Variants in RBM39 observed in about 807,000 individuals in gnomAD.
The protein encoded by RBM39 is RNA-binding protein 39.
In RBM39, 12 loss-of-function variants were observed where a neutral mutation model predicts 79.6. The ratio of observed to expected loss-of-function variants is 0.15; its 90% CI spans 0.10 to 0.24. The LOEUF (loss-of-function observed/expected upper bound fraction) is 0.24, where lower values mean the gene tolerates loss of function less well. Ranked by LOEUF, RBM39 falls within the 10% of genes least tolerant of loss-of-function variation. The pLI is 1.00. For synonymous variants in RBM39, 185 were observed against 208.4 expected, an observed-to-expected ratio of 0.89 and a Z score of 0.97; for missense variants, 243 against 653.4, an observed-to-expected ratio of 0.37 and a Z score of 6.85.
chr20:35,725,667 T>C (rs1427483303), intron 6 of RBM39, among the ~76,000 whole-genome samples: 5 of 141,348 alleles, frequency 3.5e-5, no homozygotes, highest in South Asian at 4.5e-4. Flanking sequence ...CTTTTTTTTT[T>C]TTTTTTTTTT....
At chr20:35,712,470 G>T (rs1159527004) in intron 12 of RBM39, among the ~76,000 whole-genome samples, 1 of 141,066 alleles carries the variant, frequency 7.1e-6, no homozygotes, top group Non-Finnish European at 1.5e-5. Flanking sequence ...GGGGGCGGGG[G>T]GTTGGGGGGC....
intron 3 of RBM39, chr20:35,735,077 G>C (rs2039765889): frequency 1.9e-6 from 3 of 1,561,578 alleles, no homozygotes; most frequent in Non-Finnish European, 2.6e-6. Flanking sequence ...TTAATGCAAA[G>C]TATTCTGGAA....
At chr20:35,738,169 A>G (rs1242106578) in intron 3 of RBM39, among the ~76,000 whole-genome samples, 1 of 150,990 alleles carries the variant, frequency 6.6e-6, no homozygotes, top group Non-Finnish European at 1.5e-5. Context: ...GAAAAAAAAA[A>G]AAATCAAAGA....
At chr20:35,721,971 A>G (rs2037992240) in intron 8 of RBM39, 94 bp from the exon 9 acceptor site, 2 of 1,419,858 alleles carry the variant, frequency 1.4e-6, no homozygotes, top group South Asian at 2.5e-5. Context: ...TAAAGTTTAG[A>G]GTGATAAAAA....
chr20:35,740,200 T>A (rs1160034479), intron 2 of RBM39: 1 of 165,380 alleles, frequency 6.0e-6, no homozygotes, highest in African/African-American at 2.5e-5. Context: ...CCTCTTGTAT[T>A]TTTTTTTTTT....
rs894499347 is a variant in RBM39 at position 35,736,863 on chromosome 20, G to C, written c.101+2105C>G. ...AGACGGGGTTTCACCATGTTGGCCA[G>C]GATGGTCTCGATCTCCTGACCTTGT... On this transcript the variant is annotated intron_variant, in intron 3 of 16. Transcript: ENST00000253363. 5.3e-5 allele frequency among the ~76,000 whole-genome samples: 8 copies of C among 151,626 alleles called. No individual in the cohort carries two copies. In the South Asian group the frequency reaches 1.7e-3, roughly 32 times the overall value.
At chr20:35,733,882 C>T (rs1437830069) in intron 3 of RBM39, among the ~76,000 whole-genome samples, 4 of 152,138 alleles carry the variant, frequency 2.6e-5, no homozygotes, top group African/African-American at 4.8e-5. Context: ...AGTATACCAC[C>T]CATTCATAAT....
In RBM39 at chr20:35,734,969, G is replaced by C. The variant is rs774688145; in HGVS notation, c.102-2834C>G. The C allele has an allele frequency of 5.6e-6, 9 of 1,609,744 alleles. No individual in the cohort carries two copies. The African/African-American group carries it at 1.1e-4, about 19-fold the overall frequency. On this transcript the variant is annotated intron_variant, in intron 3 of 16. Coordinates refer to ENST00000253363, the MANE Select transcript of RBM39 (RefSeq NM_184234.3). Reference sequence around the variant, plus strand: ...ACATCACTGAAGTAAATGGTCCACTGGGCTGGGCCTTTGGACTTTTTGGTT... The same window carrying C: ...ACATCACTGAAGTAAATGGTCCACTCGGCTGGGCCTTTGGACTTTTTGGTT...
chr20:35,723,120 CCGAA>C (rs2038199212), intron 8 of RBM39, among the ~76,000 whole-genome samples: 1 of 151,862 alleles, frequency 6.6e-6, no homozygotes, highest in Admixed American at 6.6e-5. Flanking sequence ...ATTGGTATAA[CCGAA>C]CGTAGTTGTT....
At position 35,703,527 on chromosome 20, in the gene RBM39, G is replaced by A. The variant is rs1460394973; in HGVS notation, c.*954C>T. 6.6e-6 allele frequency: 1 copy of A among 152,374 alleles called. No homozygotes were observed. Among genetic ancestry groups the A allele is most frequent in the Non-Finnish European group, 1.5e-5 (1 of 68,034 alleles). 9.4% of individuals were successfully genotyped at this position (152,374 alleles called of 1,614,324 possible). Reference sequence around the variant, plus strand: ...CTCGGAACATTTTCCCAAGAGGCAAGTACTGAATTGAGACTAAAAGAAGCT... The same window carrying A: ...CTCGGAACATTTTCCCAAGAGGCAAATACTGAATTGAGACTAAAAGAAGCT... On this transcript the variant is annotated 3_prime_UTR_variant, in exon 17 of 17. Coordinates refer to ENST00000253363, the MANE Select transcript of RBM39 (RefSeq NM_184234.3).
intron 12 of RBM39, among the ~76,000 whole-genome samples, chr20:35,712,195 G>A (rs975087483): frequency 6.6e-6 from 1 of 151,998 alleles, no homozygotes; most frequent in East Asian, 1.9e-4. Context: ...AGGGCCGAAC[G>A]CAGTGGCTCA....
At chr20:35,721,700 C>G in intron 9 of RBM39, 40 bp downstream of exon 9, 3 of 1,602,294 alleles carry the variant, frequency 1.9e-6, no homozygotes, top group Non-Finnish European at 2.6e-6. Context: ...ATACTCAGAT[C>G]AACAACCTAC....
chr20:35,742,035 C>A lies in RBM39; in HGVS notation c.-108G>T. 4.2e-6 allele frequency: 1 copy of A among 238,322 alleles called. No homozygotes were observed. Among genetic ancestry groups the A allele is most frequent in the South Asian group, 4.3e-5 (1 of 23,096 alleles). The allele number at this position is 238,322 out of a possible 1,614,324, so 14.8% of individuals were successfully genotyped here. ...GCCGCCGCCGCCGCTTCTGTTGCTACTGTTAAGCCCCTAGGCCCAGGCCGC... is the reference window on the plus strand; with the variant it reads ...GCCGCCGCCGCCGCTTCTGTTGCTAATGTTAAGCCCCTAGGCCCAGGCCGC... On this transcript the variant is annotated 5_prime_UTR_variant, in exon 1 of 17. Transcript: ENST00000253363.
At chr20:35,731,892 A>C (rs1378167789) in intron 4 of RBM39, 49 bp downstream of exon 4, 10 of 1,515,890 alleles carry the variant, frequency 6.6e-6, no homozygotes, top group Non-Finnish European at 8.2e-6. Context: ...TGCCATCTGA[A>C]TACCCAGAGA....
At chr20:35,740,640 TGA>T in intron 2 of RBM39, 182 bp downstream of exon 2, 1 of 1,372,256 alleles carries the variant, frequency 7.3e-7, no homozygotes, top group South Asian at 1.2e-5. Flanking sequence ...CACGCTGAAG[TGA>T]AACTACTGCA....
At chr20:35,722,660 G>A (rs182853236) in intron 8 of RBM39, among the ~76,000 whole-genome samples, 1 of 151,764 alleles carries the variant, frequency 6.6e-6, no homozygotes, top group African/African-American at 2.4e-5. Flanking sequence ...CTGGCCGGGT[G>A]CAGTGTCTCA....
At chr20:35,709,029 T>G (rs1781572080) in intron 13 of RBM39, 195 bp downstream of exon 13, 1 of 459,196 alleles carries the variant, frequency 2.2e-6, no homozygotes, top group Middle Eastern at 5.9e-4. Context: ...TTTTGATTTT[T>G]TTTAAGTCCA....
chr20:35,712,685 A>G lies in RBM39; in HGVS notation c.1174+334T>C, dbSNP rs1053746317. 7.2e-5 allele frequency among the ~76,000 whole-genome samples: 11 copies of G among 152,160 alleles called. 1 individual carries two copies. The East Asian group carries it at 2.1e-3, about 29-fold the overall frequency. On this transcript the variant is annotated intron_variant, in intron 12 of 16. Transcript: ENST00000253363. ...TAAAGCTTTTTTAAGTGCCTCTGAT[A>G]TTTTCTAAATTCTAATATTATAAAT...
At chr20:35,740,698 C>G (rs953413841) in intron 2 of RBM39, 126 bp downstream of exon 2, 1 of 1,288,168 alleles carries the variant, frequency 7.8e-7, no homozygotes, top group African/African-American at 1.5e-5. Flanking sequence ...GTAAGTTACA[C>G]GTAATGCATC....
Sources: allele counts gnomAD v4.1 joint callset (sites outside exome capture counted in the v4.1 genomes callset), GRCh38; gene constraint gnomAD v4.1.1; transcripts MANE v1.5; gene names NCBI Gene and HGNC (gene_info 2026-07-23, HGNC 2026-07-21).